The following ANO10 variants were observed in gnomAD, a reference collection of about 807,000 sequenced individuals.
ANO10 encodes the protein anoctamin 10, also known as anoctamin-10.
A neutral mutation model predicts 74.7 loss-of-function variants in ANO10; 77 were observed. The ratio of observed to expected loss-of-function variants is 1.03; its 90% CI spans 0.86 to 1.25. The LOEUF is 1.25. ANO10 is among the 50% of genes most tolerant of loss of function. ANO10 has a pLI of 0.00. For synonymous variants in ANO10, 279 were observed against 284.9 expected (o/e 0.98, Z 0.21); for missense variants, 721 against 778.1 (o/e 0.93, Z 0.87).
In ANO10 at chr3:43,484,654, A is replaced by G. The variant is rs189454237; in HGVS notation, c.1798-51927T>C. On this transcript the variant is annotated intron_variant, in intron 11 of 12. Coordinates refer to ENST00000292246, the MANE Select transcript of ANO10 (RefSeq NM_018075.5). Reference sequence around the variant, plus strand: ...CTATTTTATCAGTCTAATAATCTCTATTTCAATGTTAGTGCTAGTCAGTTG... The same window carrying G: ...CTATTTTATCAGTCTAATAATCTCTGTTTCAATGTTAGTGCTAGTCAGTTG... Among the ~76,000 whole-genome samples, 6 of 152,186 alleles carry G rather than the reference A, an allele frequency of 3.9e-5. No individual in the cohort carries two copies. The East Asian group carries it at 9.7e-4, about 25-fold the overall frequency.
chr3:43,591,088 C>G (rs1445109644), intron 4 of ANO10, among the ~76,000 whole-genome samples: 1 of 152,230 alleles, frequency 6.6e-6, no homozygotes, highest in Non-Finnish European at 1.5e-5. Flanking sequence ...TTTGGGTCCC[C>G]TGCCATCATA....
At chr3:43,606,054 G>A (rs1365011741) in intron 1 of ANO10, among the ~76,000 whole-genome samples, 191 bp from the exon 2 acceptor site, 2 of 152,154 alleles carry the variant, frequency 1.3e-5, no homozygotes, top group Non-Finnish European at 2.9e-5. Flanking sequence ...CCAAGCTTTG[G>A]AAAGAACGCC....
chr3:43,443,806 G>C (rs972531684), intron 11 of ANO10, among the ~76,000 whole-genome samples: 6 of 149,522 alleles, frequency 4.0e-5, no homozygotes, highest in African/African-American at 1.2e-4. Flanking sequence ...TCAGCCTCCT[G>C]AGTAGCTGGG....
At chr3:43,444,841 A>G (rs192870866) in intron 11 of ANO10, among the ~76,000 whole-genome samples, 3 of 152,300 alleles carry the variant, frequency 2.0e-5, no homozygotes, top group Admixed American at 2.0e-4. Context: ...CAAGAAATCC[A>G]TCTTAAATAG....
At chr3:43,691,154 C>T in intron 1 of ANO10, 5 of 1,090,562 alleles carry the variant, frequency 4.6e-6, no homozygotes, top group Non-Finnish European at 6.0e-6. Context: ...CGACGACGGG[C>T]GGCTTCCTCG....
Position 43,456,731 on chromosome 3 carries a change from G to A in ANO10, c.1798-24004C>T, listed in dbSNP as rs147626027. ...ATATACCATTGGTGCCTACAAAAGG[G>A]AGGGTCACAGATGCAGGAATTAATA... is the stretch of plus-strand genomic sequence containing the variant. On this transcript the variant is annotated intron_variant, in intron 11 of 12. Coordinates refer to ENST00000292246, the MANE Select transcript of ANO10 (RefSeq NM_018075.5). Among the ~76,000 whole-genome samples, 112 of 152,340 alleles carry A rather than the reference G, an allele frequency of 7.4e-4. 1 individual carries two copies. Among genetic ancestry groups the A allele is most frequent in the African/African-American group, 2.6e-3 (108 of 41,574 alleles).
intron 12 of ANO10, among the ~76,000 whole-genome samples, chr3:43,398,541 A>G (rs1301136580): frequency 2.0e-5 from 3 of 152,184 alleles, no homozygotes; most frequent in Non-Finnish European, 4.4e-5. Flanking sequence ...AGAGTTTGAT[A>G]TTTATTCTTT....
At chr3:43,660,038 G>C (rs765759041) in intron 1 of ANO10, among the ~76,000 whole-genome samples, 5 of 152,128 alleles carry the variant, frequency 3.3e-5, no homozygotes, top group Admixed American at 6.5e-5. Flanking sequence ...CAAACAGAAA[G>C]GAATAGCATC....
At chr3:43,513,912 TTTAATA>T (rs1248373679) in intron 11 of ANO10, among the ~76,000 whole-genome samples, 5 of 150,988 alleles carry the variant, frequency 3.3e-5, no homozygotes, top group Admixed American at 1.3e-4. Context: ...TTTTTAAATA[TTTAATA>T]TTAATATTAA....
chr3:43,409,749 G>A (rs190542434), intron 12 of ANO10, among the ~76,000 whole-genome samples: 1 of 152,244 alleles, frequency 6.6e-6, no homozygotes, highest in Non-Finnish European at 1.5e-5. Flanking sequence ...TATAACCAAT[G>A]ATAAGCATAT....
intron 11 of ANO10, among the ~76,000 whole-genome samples, chr3:43,546,702 A>T (rs1396854640): frequency 6.6e-6 from 1 of 152,144 alleles, no homozygotes; most frequent in African/African-American, 2.4e-5. Context: ...CATATAGAAG[A>T]TGTTGAAACA....
chr3:43,510,303 T>A (rs886740849), intron 11 of ANO10, among the ~76,000 whole-genome samples: 3 of 151,870 alleles, frequency 2.0e-5, no homozygotes, highest in Non-Finnish European at 2.9e-5. Context: ...TGGTGATGCA[T>A]GCCTGTAATC....
At chr3:43,453,632 T>G (rs1303312910) in intron 11 of ANO10, among the ~76,000 whole-genome samples, 3 of 152,244 alleles carry the variant, frequency 2.0e-5, no homozygotes, top group Non-Finnish European at 2.9e-5. Flanking sequence ...GAGTTATTTT[T>G]TGCATATAGT....
chr3:43,470,644 TGAGGCAG>T (rs2075821240), intron 11 of ANO10, among the ~76,000 whole-genome samples: 1 of 105,258 alleles, frequency 9.5e-6, no homozygotes, highest in Non-Finnish European at 2.3e-5. Context: ...TTATTTATTT[TGAGGCAG>T]AGTTTCACTT....
intron 12 of ANO10, among the ~76,000 whole-genome samples, chr3:43,385,244 C>A (rs909218022): frequency 2.0e-5 from 3 of 151,884 alleles, no homozygotes; most frequent in Admixed American, 6.6e-5. Context: ...TGGCCATAAT[C>A]AAAAAATAAA....
chr3:43,674,459 T>C (rs2084097599), intron 1 of ANO10, among the ~76,000 whole-genome samples: 2 of 152,144 alleles, frequency 1.3e-5, no homozygotes, highest in South Asian at 4.1e-4. Context: ...CACGGGAGTG[T>C]AGACTTTTTG....
At chr3:43,610,893 T>C (rs1408278180) in intron 1 of ANO10, among the ~76,000 whole-genome samples, 2 of 152,244 alleles carry the variant, frequency 1.3e-5, no homozygotes, top group Non-Finnish European at 2.9e-5. Context: ...TTGTATCCTA[T>C]TGACTGAAAT....
At chr3:43,587,802 GA>G (rs1295425285) in intron 4 of ANO10, among the ~76,000 whole-genome samples, 6 of 148,578 alleles carry the variant, frequency 4.0e-5, no homozygotes, top group African/African-American at 1.2e-4. Context: ...TTTTAATCAA[GA>G]AAAAAAAAGC....
intron 11 of ANO10, among the ~76,000 whole-genome samples, chr3:43,443,081 G>A (rs527254998): frequency 6.6e-6 from 1 of 152,226 alleles, no homozygotes; most frequent in South Asian, 2.1e-4. Flanking sequence ...CTTCAGGGCA[G>A]GGCTGTGTCT....
Sources: gnomAD v4.1 joint callset for allele counts (sites outside exome capture counted in the v4.1 genomes callset) on GRCh38, gnomAD v4.1.1 for gene constraint, MANE v1.5 for transcripts, NCBI Gene and HGNC (gene_info 2026-07-23, HGNC 2026-07-21) for gene names.